ITPA: variants seen among roughly 807,000 people sequenced by gnomAD.
The protein encoded by ITPA is inosine triphosphate pyrophosphatase.
ITPA carries 29 observed loss-of-function variants against 29.6 expected under a neutral mutation model. That is an observed-to-expected ratio of 0.98 (90% confidence interval 0.73 to 1.34). The LOEUF is 1.34. Among genes scored for constraint, ITPA ranks in the 40% most tolerant of loss-of-function variants. ITPA has a pLI of 0.00. For missense variants in ITPA, 241 were observed against 251.5 expected, an observed-to-expected ratio of 0.96 and a Z score of 0.28; for synonymous variants, 103 against 99.3, an observed-to-expected ratio of 1.04 and a Z score of -0.22.
At chr20:3,226,075 G>A (rs997473642), downstream of ITPA, among the ~76,000 whole-genome samples, 1 of 152,236 alleles carries the variant, frequency 6.6e-6, no homozygotes, top group Non-Finnish European at 1.5e-5. The surrounding 1 kb of genome is among the most constrained non-coding windows in gnomAD (Gnocchi z 4.4). Context: ...CCTGACTTGT[G>A]AACCACTCTA....
Position 3,223,607 on chromosome 20 carries a change from G to A in ITPA, c.*145G>A. The A allele has an allele frequency of 1.5e-6, 1 of 684,112 alleles. No individual in the cohort carries two copies. The highest frequency in any genetic ancestry group is 2.6e-6 in the Non-Finnish European group (1 of 381,070). 42.4% of individuals were successfully genotyped at this position (684,112 alleles called of 1,614,324 possible). A position where few individuals can be genotyped will look rare whatever the true frequency, so the allele number is the denominator to read the frequency against. ...GTCGAGTAGCCTCACCGGCCTGTCT[G>A]GAGGAGCAGCTGGCTCTGCTCTGAG... On this transcript the variant is annotated 3_prime_UTR_variant, in exon 8 of 8. Transcript: ENST00000380113.
At chr20:3,226,294 C>T (rs941934065), downstream of ITPA, among the ~76,000 whole-genome samples, 6 of 152,188 alleles carry the variant, frequency 3.9e-5, no homozygotes, top group Admixed American at 6.5e-5. This position sits in a 1 kb window ranked among gnomAD's most constrained non-coding sequence, Gnocchi z 4.4. Flanking sequence ...GCAGCTGTCC[C>T]GTGACAAATC....
Position 3,215,164 on chromosome 20 carries a change from G to A in ITPA, c.264-117G>A, listed in dbSNP as rs570012131. On this transcript the variant is annotated intron_variant, in intron 4 of 7. Transcript: ENST00000380113. ...TTATAGGCGGGACCCACCTCGCCTG[G>A]CTCTTGGAGGCATTCTTTTTCATTT... 1.5e-3 allele frequency: 1,579 copies of A among 1,033,192 alleles called. 2 individuals carry two copies. The highest frequency in any genetic ancestry group is 2.1e-3 in the Non-Finnish European group (1,397 of 658,478). The allele number at this position is 1,033,192 out of a possible 1,614,324, so 64.0% of individuals were successfully genotyped here. A position where few individuals can be genotyped will look rare whatever the true frequency, so the allele number is the denominator to read the frequency against.
chr20:3,217,582 C>T (rs1377565713), intron 5 of ITPA, among the ~76,000 whole-genome samples: 2 of 151,486 alleles, frequency 1.3e-5, no homozygotes, highest in African/African-American at 2.4e-5. Flanking sequence ...CATCCTCCCA[C>T]CTTAGCCTCC....
At chr20:3,205,878 A>C (rs982949380), upstream of ITPA, among the ~76,000 whole-genome samples, 4 of 151,570 alleles carry the variant, frequency 2.6e-5, no homozygotes, top group Non-Finnish European at 5.9e-5. Context: ...GACGTGATGA[A>C]ATCCTGTCTC....
chr20:3,225,730 A>T (rs1041684254), downstream of ITPA, among the ~76,000 whole-genome samples: 1 of 152,156 alleles, frequency 6.6e-6, no homozygotes, highest in African/African-American at 2.4e-5. Context: ...TTAAAAAATA[A>T]AAAAATAAAA....
intron 1 of ITPA, among the ~76,000 whole-genome samples, chr20:3,210,224 T>C (rs938181160): frequency 2.0e-5 from 3 of 152,042 alleles, no homozygotes; most frequent in African/African-American, 4.8e-5. Context: ...CACAGGGAGC[T>C]CATGTAAGCC....
rs565854336 is a variant in ITPA, at chr20:3,220,785, G to A, written c.412-1056G>A. ...TGCCCAGACTGGTCTCGAACTCCTGGGTTTAAACCATCCTCCCTCCTCGGC... is the reference window on the plus strand; with the variant it reads ...TGCCCAGACTGGTCTCGAACTCCTGAGTTTAAACCATCCTCCCTCCTCGGC... On this transcript the variant is annotated intron_variant, in intron 6 of 7. Transcript: ENST00000380113. Among the ~76,000 whole-genome samples the A allele has an allele frequency of 1.5e-4, 23 of 152,050 alleles. 1 individual carries two copies. The highest frequency in any genetic ancestry group is 5.3e-4 in the African/African-American group (22 of 41,484).
intron 1 of ITPA, among the ~76,000 whole-genome samples, chr20:3,210,651 G>A (rs1467530579): frequency 6.6e-6 from 1 of 152,142 alleles, no homozygotes; most frequent in African/African-American, 2.4e-5. Context: ...AAAGGTTTGG[G>A]ATCCTGAGGC....
chr20:3,210,851 G>T (rs1412883749), intron 1 of ITPA, among the ~76,000 whole-genome samples: 1 of 152,052 alleles, frequency 6.6e-6, no homozygotes, highest in Non-Finnish European at 1.5e-5. Context: ...AGGAGTTCAA[G>T]ACCAGCCTGG....
downstream of ITPA, among the ~76,000 whole-genome samples, chr20:3,226,409 A>G (rs1164000979): frequency 6.6e-6 from 1 of 152,214 alleles, no homozygotes; most frequent in Non-Finnish European, 1.5e-5. The surrounding 1 kb of genome is among the most constrained non-coding windows in gnomAD (Gnocchi z 4.4). Flanking sequence ...GTCCCCAGAC[A>G]GCAGGGTGGA....
chr20:3,221,799 T>G, intron 6 of ITPA, 42 bp from the exon 7 acceptor site: 1 of 1,591,618 alleles, frequency 6.3e-7, no homozygotes, highest in Non-Finnish European at 8.6e-7. Flanking sequence ...GTGCTTGTCC[T>G]CTGGACCCAG....
intron 6 of ITPA, chr20:3,218,899 A>G (rs1035014641): frequency 2.5e-5 from 13 of 528,272 alleles, no homozygotes; most frequent in Middle Eastern, 5.3e-4. Flanking sequence ...AGTGTTGTCA[A>G]TTCTGAAACC....
intron 4 of ITPA, 51 bp downstream of exon 4, chr20:3,214,109 GA>G (rs765692014): frequency 1.3e-6 from 2 of 1,518,044 alleles, no homozygotes; most frequent in South Asian, 1.1e-5. Flanking sequence ...AAAACCACCA[GA>G]ACTGCAAAAT....
intron 6 of ITPA, chr20:3,221,603 G>A (rs1055064735): frequency 1.6e-6 from 1 of 619,446 alleles, no homozygotes; most frequent in African/African-American, 1.8e-5. Context: ...GGCCCCGGAG[G>A]TGCTGGTGGT....
rs1385294952 is a variant in ITPA, at chr20:3,218,863, G to A, written c.411+231G>A. On this transcript the variant is annotated intron_variant, in intron 6 of 7. Transcript: ENST00000380113. ...AGAGTAGTTGCCTACGCCTTGCTGA[G>A]GGGTGCCCCTGGGCAGGACAATGGA... 1.0e-5 allele frequency: 6 copies of A among 595,638 alleles called. No individual in the cohort carries two copies. The South Asian group carries it at 1.1e-4, about 11-fold the overall frequency. The allele number at this position is 595,638 out of a possible 1,614,324, so 36.9% of individuals were successfully genotyped here.
Position 3,218,581 on chromosome 20 carries a change from C to CAGCA in ITPA, c.361_364dup (p.Thr122LysfsTer38). 6.2e-7 allele frequency: 1 copy of CAGCA among 1,613,920 alleles called. No homozygotes were observed. Among genetic ancestry groups the CAGCA allele is most frequent in the East Asian group, 2.2e-5 (1 of 44,878 alleles). ...CCTATGCGCTCTGCACGTTTGCACTCAGCACCGGGGACCCAAGCCAGCCCG... is the reference window on the plus strand; with the variant it reads ...CCTATGCGCTCTGCACGTTTGCACTCAGCAAGCACCGGGGACCCAAGCCAGCCCG... On this transcript the variant is annotated frameshift_variant, in exon 6 of 8. Coordinates refer to ENST00000380113, the MANE Select transcript of ITPA (RefSeq NM_033453.4). LOFTEE classifies it high-confidence loss of function.
upstream of ITPA, among the ~76,000 whole-genome samples, chr20:3,206,465 G>A (rs1250988884): frequency 1.3e-5 from 2 of 151,572 alleles, no homozygotes; most frequent in East Asian, 3.9e-4. Flanking sequence ...GGGAGGTCGA[G>A]GTGGGTGGAT....
chr20:3,225,216 T>C (rs1033404206), downstream of ITPA, among the ~76,000 whole-genome samples: 2 of 151,690 alleles, frequency 1.3e-5, no homozygotes, highest in East Asian at 1.9e-4. Flanking sequence ...AAAAAAAACA[T>C]GTGTATTTGG....
Sources: allele counts gnomAD v4.1 joint callset (sites outside exome capture counted in the v4.1 genomes callset), GRCh38; gene constraint gnomAD v4.1.1; non-coding constraint Gnocchi (gnomAD v3.1); transcripts MANE v1.5; gene names NCBI Gene and HGNC (gene_info 2026-07-23, HGNC 2026-07-21).